Variants in DCN observed in about 807,000 individuals in gnomAD.
DCN encodes bone proteoglycan II.
Under a neutral mutation model 36.5 loss-of-function variants are expected in DCN, and 17 were observed. That is an observed-to-expected ratio of 0.47 (90% CI 0.32 to 0.70). The LOEUF is 0.70. DCN is among the 30% of genes least tolerant of loss of function. The pLI is 0.04. For missense variants in DCN, 389 were observed against 430.1 expected (o/e 0.90, Z 0.84); for synonymous variants, 163 against 161.4 (o/e 1.01, Z -0.07).
In DCN at chr12:91,141,160, A is replaced by G. The variant is rs1363744251; in HGVS notation, c.*4898T>C. The G allele has an allele frequency of 6.6e-6, 1 of 152,126 alleles. No homozygotes were observed. The highest frequency in any genetic ancestry group is 1.5e-5 in the Non-Finnish European group (1 of 68,052). The allele number at this position is 152,126 out of a possible 1,614,324, so 9.4% of individuals were successfully genotyped here. The stretch of plus-strand genomic sequence containing the variant: ...TCACTCCTCTACCGAGACCCCTCTA[A>G]TAGCTCTCTGTCTTACTCAGAGTAA... On this transcript the variant is annotated 3_prime_UTR_variant, in exon 8 of 8. Transcript: ENST00000052754.
chr12:91,154,339 C>T (rs1455559655), intron 5 of DCN, among the ~76,000 whole-genome samples: 1 of 152,098 alleles, frequency 6.6e-6, no homozygotes, highest in Non-Finnish European at 1.5e-5. Flanking sequence ...TACTTCAAAT[C>T]CTTTAAGCCT....
chr12:91,167,939 A>C (rs904658262), intron 2 of DCN, among the ~76,000 whole-genome samples: 1 of 152,132 alleles, frequency 6.6e-6, no homozygotes, highest in Non-Finnish European at 1.5e-5. Flanking sequence ...CTCCCGATTC[A>C]AGCGATTCTC....
Position 91,145,292 on chromosome 12 carries a change from G to A in DCN, c.*766C>T, listed in dbSNP as rs959515633. 3.3e-5 allele frequency: 5 copies of A among 152,090 alleles called. No homozygotes were observed. Among genetic ancestry groups the A allele is most frequent in the African/African-American group, 1.2e-4 (5 of 41,392 alleles). The allele number at this position is 152,090 out of a possible 1,614,324, so 9.4% of individuals were successfully genotyped here. A position where few individuals can be genotyped will look rare whatever the true frequency, so the allele number is the denominator to read the frequency against. Reference sequence around the variant, plus strand: ...AGTTTTAATATTTATTTAGCAGAGGGGTAAATTGAAACATCAGTTCTCTAG... The same window carrying A: ...AGTTTTAATATTTATTTAGCAGAGGAGTAAATTGAAACATCAGTTCTCTAG... On this transcript the variant is annotated 3_prime_UTR_variant, in exon 8 of 8. Transcript: ENST00000052754.
At chr12:91,173,279 G>A (rs1883088800) in intron 2 of DCN, among the ~76,000 whole-genome samples, 1 of 152,062 alleles carries the variant, frequency 6.6e-6, no homozygotes, top group African/African-American at 2.4e-5. Flanking sequence ...TTCTTCCAAA[G>A]GAAAATGAAT....
At chr12:91,153,456 T>C (rs1195866251) in intron 5 of DCN, among the ~76,000 whole-genome samples, 1 of 152,084 alleles carries the variant, frequency 6.6e-6, no homozygotes, top group African/African-American at 2.4e-5. Flanking sequence ...GTTCTTGGAA[T>C]AGAAGAACTG....
intron 2 of DCN, among the ~76,000 whole-genome samples, chr12:91,170,137 T>C (rs1882864222): frequency 6.6e-6 from 1 of 152,100 alleles, no homozygotes; most frequent in Non-Finnish European, 1.5e-5. Context: ...TTCTTAAGTC[T>C]TTCACAGAAT....
At chr12:91,172,517 A>T in intron 2 of DCN, 2 of 277,088 alleles carry the variant, frequency 7.2e-6, no homozygotes, top group Non-Finnish European at 1.4e-5. Flanking sequence ...GTTATCAGTT[A>T]GACCAGGCTT....
At chr12:91,160,707 A>G (rs539487303) in intron 3 of DCN, among the ~76,000 whole-genome samples, 4 of 152,286 alleles carry the variant, frequency 2.6e-5, no homozygotes, top group South Asian at 4.1e-4. Context: ...ATATATAGTA[A>G]TTGCTAAACA....
chr12:91,149,011 T>C (rs1881235197), intron 7 of DCN, among the ~76,000 whole-genome samples: 1 of 152,144 alleles, frequency 6.6e-6, no homozygotes, highest in African/African-American at 2.4e-5. Context: ...TTATGGTTAA[T>C]ATTGAAAGTG....
intron 1 of DCN, among the ~76,000 whole-genome samples, chr12:91,178,861 C>T (rs1162041927): frequency 1.3e-5 from 2 of 151,984 alleles, no homozygotes; most frequent in Non-Finnish European, 2.9e-5. Flanking sequence ...ACTATATATC[C>T]AAATCATTTG....
At chr12:91,174,375 A>G (rs937952271) in intron 2 of DCN, among the ~76,000 whole-genome samples, 1 of 152,130 alleles carries the variant, frequency 6.6e-6, no homozygotes, top group African/African-American at 2.4e-5. Context: ...TCTAATAAGT[A>G]TATGGCTTAT....
chr12:91,165,666 T>C (rs1882514203), intron 2 of DCN, among the ~76,000 whole-genome samples: 2 of 152,156 alleles, frequency 1.3e-5, no homozygotes, highest in African/African-American at 4.8e-5. Context: ...AAAAATTTGA[T>C]ATTCTATTAA....
intron 3 of DCN, 33 bp from the exon 4 acceptor site, chr12:91,158,542 T>C: frequency 9.4e-7 from 1 of 1,061,438 alleles, no homozygotes; most frequent in Non-Finnish European, 1.5e-6. Flanking sequence ...TCTCTTTAAA[T>C]CCAAAACCTT....
At chr12:91,165,371 T>G (rs528757819) in intron 2 of DCN, among the ~76,000 whole-genome samples, 1 of 152,336 alleles carries the variant, frequency 6.6e-6, no homozygotes, top group South Asian at 2.1e-4. Flanking sequence ...ATGACATATC[T>G]GAAATTAATT....
chr12:91,148,149 C>G (rs1199102431), intron 7 of DCN, among the ~76,000 whole-genome samples: 1 of 151,746 alleles, frequency 6.6e-6, no homozygotes, highest in East Asian at 2.0e-4. Context: ...TCTCGGCTCA[C>G]TGCAAGCTCC....
Position 91,153,275 on chromosome 12 carries a change from T to C in DCN, c.653-86A>G, listed in dbSNP as rs569291848. The C allele has an allele frequency of 5.4e-5, 43 of 802,438 alleles. No homozygotes were observed. The African/African-American group carries it at 5.7e-4, about 11-fold the overall frequency. 49.7% of individuals were successfully genotyped at this position (802,438 alleles called of 1,614,324 possible). ...ACAAACTTAAAGAAGACATATGCCATCAATTTTCTAAAAGACACACAGTTT... is the reference window on the plus strand; with the variant it reads ...ACAAACTTAAAGAAGACATATGCCACCAATTTTCTAAAAGACACACAGTTT... On this transcript the variant is annotated intron_variant, in intron 5 of 7. Transcript: ENST00000052754.
rs191434778 is a variant in DCN, at chr12:91,145,953, C to T, written c.*105G>A. On this transcript the variant is annotated 3_prime_UTR_variant, in exon 8 of 8. Coordinates refer to ENST00000052754, the MANE Select transcript of DCN (RefSeq NM_001920.5). ...TGCATAATAAGTCATGTGGGTAAAA[C>T]ATCCACATTGCAGTTAGGTTTCCAG... 1.0e-4 allele frequency: 103 copies of T among 986,384 alleles called. No homozygotes were observed. The East Asian group carries it at 2.5e-3, about 24-fold the overall frequency. 61.1% of individuals were successfully genotyped at this position (986,384 alleles called of 1,614,324 possible). A position where few individuals can be genotyped will look rare whatever the true frequency, so the allele number is the denominator to read the frequency against.
At chr12:91,168,917 A>G (rs927519616) in intron 2 of DCN, among the ~76,000 whole-genome samples, 6 of 152,230 alleles carry the variant, frequency 3.9e-5, no homozygotes, top group Non-Finnish European at 8.8e-5. Flanking sequence ...TCCAGCAGTA[A>G]GAGTTTCTCT....
chr12:91,145,973 T>G lies in DCN; in HGVS notation c.*85A>C. The G allele has an allele frequency of 8.4e-7, 1 of 1,184,216 alleles. No homozygotes were observed. Among genetic ancestry groups the G allele is most frequent in the Non-Finnish European group, 1.3e-6 (1 of 792,282 alleles). 73.4% of individuals were successfully genotyped at this position (1,184,216 alleles called of 1,614,324 possible). On this transcript the variant is annotated 3_prime_UTR_variant, in exon 8 of 8. Transcript: ENST00000052754. The stretch of plus-strand genomic sequence containing the variant: ...TAAAACATCCACATTGCAGTTAGGT[T>G]TCCAGTATCTAGCTTTTATTTATTT...
Sources: allele counts gnomAD v4.1 joint callset (sites outside exome capture counted in the v4.1 genomes callset), GRCh38; gene constraint gnomAD v4.1.1; transcripts MANE v1.5; gene names NCBI Gene and HGNC (gene_info 2026-07-23, HGNC 2026-07-21).